BIN2: variants seen among roughly 807,000 people sequenced by gnomAD.
The protein encoded by BIN2 is bridging integrator 2.
BIN2 carries 43 observed loss-of-function variants against 67.9 expected under a neutral mutation model. That is an observed-to-expected ratio of 0.63 (90% CI 0.50 to 0.82). The LOEUF is 0.82. Ranked by LOEUF, BIN2 falls within the 40% of genes least tolerant of loss-of-function variation. The pLI, the probability that BIN2 is intolerant of heterozygous loss-of-function variation, is 0.00. For synonymous variants in BIN2, 244 were observed against 246.8 expected (o/e 0.99, Z 0.11); for missense variants, 581 against 671.6 (o/e 0.87, Z 1.49).
intron 1 of BIN2, 145 bp from the exon 2 acceptor site, chr12:51,314,048 A>C: frequency 3.7e-6 from 1 of 270,414 alleles, no homozygotes; most frequent in Non-Finnish European, 6.5e-6. Context: ...TTATTTATTT[A>C]TTTATTTATT....
At chr12:51,314,801 A>G (rs77814369) in intron 1 of BIN2, among the ~76,000 whole-genome samples, 1 of 148,074 alleles carries the variant, frequency 6.8e-6, no homozygotes, top group African/African-American at 2.5e-5. Context: ...CTCTGTCTCA[A>G]AAAAAAAAAA....
At position 51,302,078 on chromosome 12, in the gene BIN2, A is replaced by G; in HGVS notation, c.350T>C (p.Leu117Pro). ...DLLWEDYEEK[L>P]ADQAVRTMEI... ...CATGGTCCTTACAGCCTGGTCAGCC[A>G]GTTTCTCCTCGTAGTCTTCCCAAAG... The change falls in exon 5 of 13, where the codon CTG (leucine) becomes CCG (proline). Residue 117 changes from leucine to proline, a missense_variant. By Grantham distance (98) the Leu-to-Pro change is moderately conservative. Transcript: ENST00000615107. The G allele has an allele frequency of 6.2e-7, 1 of 1,613,776 alleles. No individual in the cohort carries two copies. Among genetic ancestry groups the G allele is most frequent in the Non-Finnish European group, 8.5e-7 (1 of 1,179,674 alleles).
intron 4 of BIN2, 88 bp from the exon 5 acceptor site, chr12:51,302,203 A>AC: frequency 1.0e-6 from 1 of 970,450 alleles, no homozygotes; most frequent in Non-Finnish European, 1.6e-6. Flanking sequence ...CCCTGCAAAA[A>AC]CCTTTTTTGT....
intron 9 of BIN2, among the ~76,000 whole-genome samples, chr12:51,293,340 C>A (rs1188754187): frequency 6.6e-6 from 1 of 152,022 alleles, no homozygotes; most frequent in East Asian, 1.9e-4. Context: ...GATGGAGTCT[C>A]GCTCTGTCGC....
chr12:51,324,557 C>G (rs1407065312), upstream of BIN2: 4 of 1,520,634 alleles, frequency 2.6e-6, no homozygotes, highest in Admixed American at 6.2e-5. Context: ...CATGCGAAGC[C>G]GCCATGTACA....
At chr12:51,284,612 G>T (rs1274006865) in intron 12 of BIN2, 104 bp downstream of exon 12, 3 of 892,370 alleles carry the variant, frequency 3.4e-6, no homozygotes, top group African/African-American at 3.3e-5. Context: ...TAAGGGTATG[G>T]TTCACTGCCG....
intron 1 of BIN2, among the ~76,000 whole-genome samples, chr12:51,320,936 A>C (rs5029067): frequency 0.035 from 4,844 of 138,520 alleles, 223 homozygotes; most frequent in Non-Finnish European, 0.049. Context: ...TCATACTAAA[A>C]ACACACACAC....
chr12:51,303,126 G>A lies in BIN2; in HGVS notation c.178C>T (p.Leu60=). 1 of 1,614,148 alleles carries A rather than the reference G, an allele frequency of 6.2e-7. No homozygotes were observed. Among genetic ancestry groups the A allele is most frequent in the Non-Finnish European group, 8.5e-7 (1 of 1,179,982 alleles). Residue 60 remains leucine, a synonymous_variant, in exon 3 of 13, where the codon CTG becomes TTG. Transcript: ENST00000615107. ...AGGAAGTTCTTCAGGTCCTTGTACA[G>A]CTTGTGGCCTTCTGCCTGAAAGAGA... ...FYQQQAEGHK[L]YKDLKNFLSA...
chr12:51,302,550 T>C (rs1945754299), intron 4 of BIN2, 136 bp downstream of exon 4: 1 of 735,692 alleles, frequency 1.4e-6, no homozygotes, highest in South Asian at 1.7e-5. Flanking sequence ...TACCACCCAG[T>C]GACTGAGGCT....
upstream of BIN2, chr12:51,324,194 C>A: frequency 6.5e-7 from 1 of 1,535,772 alleles, no homozygotes; most frequent in Non-Finnish European, 8.7e-7. Context: ...CGGCATGCCT[C>A]GCATCCGGCC....
chr12:51,284,700 G>T lies in BIN2; in HGVS notation c.1668+16C>A, dbSNP rs762272163. 1.3e-6 allele frequency: 2 copies of T among 1,582,202 alleles called. No homozygotes were observed. Among genetic ancestry groups the T allele is most frequent in the East Asian group, 4.5e-5 (2 of 44,682 alleles). ...CAATCTAATGCCCAATCTATTCTCT[G>T]TATATCTGGTCTTACCTCTTCTTGA... On this transcript the variant is annotated intron_variant, in intron 12 of 12. Coordinates refer to ENST00000615107, the MANE Select transcript of BIN2 (RefSeq NM_016293.4).
upstream of BIN2, chr12:51,324,482 G>T: frequency 6.6e-7 from 1 of 1,524,752 alleles, no homozygotes; most frequent in Non-Finnish European, 8.7e-7. Context: ...GGTAGAAAAT[G>T]ATGTGGGTTC....
At chr12:51,296,946 C>T (rs1021777836) in intron 8 of BIN2, 143 bp downstream of exon 8, 1 of 677,928 alleles carries the variant, frequency 1.5e-6, no homozygotes, top group Non-Finnish European at 2.5e-6. Flanking sequence ...AGTACACAAT[C>T]AAGTGCTCTT....
At position 51,320,639 on chromosome 12, in the gene BIN2, T is replaced by A. The variant is rs1301363003; in HGVS notation, c.81+3383A>T. Reference sequence around the variant, plus strand: ...GTTATTTTATTATCATTATTCTTTTTTTTTTTTTTTTTTAACTAGATCTTA... The same window carrying A: ...GTTATTTTATTATCATTATTCTTTTATTTTTTTTTTTTTAACTAGATCTTA... On this transcript the variant is annotated intron_variant, in intron 1 of 12. Coordinates refer to ENST00000615107, the MANE Select transcript of BIN2 (RefSeq NM_016293.4). Among the ~76,000 whole-genome samples the A allele has an allele frequency of 3.0e-4, 44 of 145,170 alleles. No homozygotes were observed. The South Asian group carries it at 3.8e-3, about 13-fold the overall frequency.
At chr12:51,285,942 C>A (rs1455604530) in intron 11 of BIN2, among the ~76,000 whole-genome samples, 2 of 152,122 alleles carry the variant, frequency 1.3e-5, no homozygotes, top group African/African-American at 4.8e-5. Flanking sequence ...GTGTGATAGC[C>A]ACTTGAAATT....
intron 10 of BIN2, 81 bp downstream of exon 10, chr12:51,291,510 T>G: frequency 1.4e-6 from 2 of 1,396,204 alleles, no homozygotes; most frequent in Non-Finnish European, 1.9e-6. Flanking sequence ...ACCACTACAC[T>G]CCAGCCTGGA....
chr12:51,295,575 A>AAAAGAAAAAAAAAAG (rs1945529931), intron 9 of BIN2, among the ~76,000 whole-genome samples: 1 of 18,272 alleles, frequency 5.5e-5, no homozygotes, highest in African/African-American at 2.2e-4. Context: ...AAAAAAAAAA[A>AAAAGAAAAAAAAAAG]AAATATATAT....
At chr12:51,295,518 G>A (rs1293745888) in intron 9 of BIN2, among the ~76,000 whole-genome samples, 5 of 137,724 alleles carry the variant, frequency 3.6e-5, no homozygotes, top group Non-Finnish European at 7.8e-5. Flanking sequence ...AGCCTAGATC[G>A]CGCCACTGCG....
rs777075653 is a variant in BIN2 at position 51,302,109 on chromosome 12, C to A, written c.319G>T (p.Asp107Tyr). Residue 107 changes from aspartate to tyrosine, a missense_variant, in exon 5 of 13, where the codon GAT becomes TAT. Asp to Tyr is a radical substitution (Grantham distance 160). Transcript: ENST00000615107. ...EELKAIVWNNDLLWEDYEEKL... is the reference protein window; with the variant it reads ...EELKAIVWNNYLLWEDYEEKL... ...TCCTCGTAGTCTTCCCAAAGGAGAT[C>A]ATTATTCTGTAGGATAGAGTCAGAG... The A allele has an allele frequency of 6.2e-7, 1 of 1,609,640 alleles. No homozygotes were observed. Among genetic ancestry groups the A allele is most frequent in the Non-Finnish European group, 8.5e-7 (1 of 1,175,990 alleles).
Sources: gnomAD v4.1 joint callset for allele counts (sites outside exome capture counted in the v4.1 genomes callset) on GRCh38, gnomAD v4.1.1 for gene constraint, MANE v1.5 for transcripts, NCBI Gene and HGNC (gene_info 2026-07-23, HGNC 2026-07-21) for gene names.